The following CNTNAP2 variants were observed in gnomAD, a reference collection of about 807,000 sequenced individuals.
CNTNAP2 encodes the protein contactin associated protein 2.
A neutral mutation model predicts 155.2 loss-of-function variants in CNTNAP2; 98 were observed. The ratio of observed to expected loss-of-function variants is 0.63; its 90% CI spans 0.54 to 0.75. The LOEUF (loss-of-function observed/expected upper bound fraction) is 0.75, where lower values mean the gene tolerates loss of function less well. Ranked by LOEUF, CNTNAP2 falls within the 30% of genes least tolerant of loss-of-function variation. The pLI, the probability that CNTNAP2 is intolerant of heterozygous loss-of-function variation, is 0.00. For synonymous variants in CNTNAP2, 651 were observed against 631.2 expected (o/e 1.03, Z -0.47); for missense variants, 1,727 against 1,688.1 (o/e 1.02, Z -0.40).
chr7:146,815,952 C>T (rs7804013), intron 2 of CNTNAP2, among the ~76,000 whole-genome samples: 7,337 of 152,176 alleles, frequency 0.048, 521 homozygotes, highest in African/African-American at 0.16. Context: ...TGATGATCCC[C>T]GCCCTGTGTC....
intron 14 of CNTNAP2, among the ~76,000 whole-genome samples, chr7:147,972,612 A>G (rs1043981853): frequency 1.3e-5 from 2 of 152,204 alleles, no homozygotes; most frequent in African/African-American, 2.4e-5. Context: ...ATCAAGCTTT[A>G]CTTGAGTAAC....
chr7:147,932,345 A>G (rs1418378061), intron 14 of CNTNAP2, among the ~76,000 whole-genome samples: 1 of 152,184 alleles, frequency 6.6e-6, no homozygotes, highest in Non-Finnish European at 1.5e-5. Context: ...TTAAAACACT[A>G]AGGTACTGTC....
intron 15 of CNTNAP2, among the ~76,000 whole-genome samples, chr7:148,042,996 G>T (rs543077201): frequency 6.6e-6 from 1 of 152,290 alleles, no homozygotes; most frequent in African/African-American, 2.4e-5. Context: ...TGAGAATTAT[G>T]TGCAAATTTA....
intron 1 of CNTNAP2, among the ~76,000 whole-genome samples, chr7:146,264,772 G>C (rs1322582665): frequency 6.6e-6 from 1 of 152,212 alleles, no homozygotes; most frequent in African/African-American, 2.4e-5. Flanking sequence ...TTTAATGTGA[G>C]AGAGGCAGAT....
rs542451186 is a variant in CNTNAP2, at chr7:147,074,101, C to T, written c.550+30047C>T. On this transcript the variant is annotated intron_variant, in intron 4 of 23. Coordinates refer to ENST00000361727, the MANE Select transcript of CNTNAP2 (RefSeq NM_014141.6). ...TCCGTAGAATTTATTTCATTCTATT[C>T]ACCCTGGCTGAAGAACCATAGGTAA... is the stretch of plus-strand genomic sequence containing the variant. Among the ~76,000 whole-genome samples the T allele has an allele frequency of 1.1e-4, 16 of 152,266 alleles. No homozygotes were observed. The South Asian group carries it at 3.1e-3, about 30-fold the overall frequency.
intron 13 of CNTNAP2, among the ~76,000 whole-genome samples, chr7:147,805,896 A>T (rs1288248670): frequency 1.3e-5 from 2 of 152,234 alleles, no homozygotes; most frequent in Non-Finnish European, 2.9e-5. Context: ...CTATGAAACT[A>T]GTAAAAGAAA....
At chr7:147,788,900 C>CTTTTA (rs1797776343) in intron 13 of CNTNAP2, among the ~76,000 whole-genome samples, 3 of 100,748 alleles carry the variant, frequency 3.0e-5, no homozygotes, top group Non-Finnish European at 5.6e-5. Flanking sequence ...TTTTCTTTTT[C>CTTTTA]TTTTTTTTTT....
chr7:146,163,543 C>A (rs976556143), intron 1 of CNTNAP2, among the ~76,000 whole-genome samples: 11 of 142,788 alleles, frequency 7.7e-5, no homozygotes, highest in African/African-American at 2.9e-4. Flanking sequence ...ATATCTATAT[C>A]TATATATCTA....
rs1478905060 is a variant in CNTNAP2 at position 147,643,737 on chromosome 7, T to G, written c.2098+4431T>G. Among the ~76,000 whole-genome samples, 30 of 152,216 alleles carry G rather than the reference T, an allele frequency of 2.0e-4. 1 individual carries two copies. Among genetic ancestry groups the G allele is most frequent in the Non-Finnish European group, 2.9e-5 (2 of 68,024 alleles). On this transcript the variant is annotated intron_variant, in intron 13 of 23. Transcript: ENST00000361727. ...GTTTGTAATAGCTTTGCGCTTAAAA[T>G]GTTATTTTTTATTTTAAGAGCTTTA...
chr7:146,940,287 C>T (rs1172716680), intron 3 of CNTNAP2, among the ~76,000 whole-genome samples: 1 of 151,958 alleles, frequency 6.6e-6, no homozygotes, highest in Non-Finnish European at 1.5e-5. Context: ...CTCACTGCAA[C>T]CTCTGCCTCC....
At chr7:147,866,908 C>T (rs1799240091) in intron 13 of CNTNAP2, among the ~76,000 whole-genome samples, 1 of 152,092 alleles carries the variant, frequency 6.6e-6, no homozygotes, top group Non-Finnish European at 1.5e-5. Context: ...ATCCAATTTG[C>T]CAATATGTGT....
chr7:148,049,679 A>G (rs1359776795), intron 15 of CNTNAP2, among the ~76,000 whole-genome samples: 3 of 152,174 alleles, frequency 2.0e-5, no homozygotes, highest in Non-Finnish European at 4.4e-5. Context: ...CATTACTCCT[A>G]TGTTTGTGAT....
intron 1 of CNTNAP2, among the ~76,000 whole-genome samples, chr7:146,309,643 A>G (rs1800784051): frequency 6.6e-6 from 1 of 151,980 alleles, no homozygotes; most frequent in South Asian, 2.1e-4. Flanking sequence ...CTTTACTGAA[A>G]ATACAAAAAT....
chr7:148,197,361 T>C (rs951865380), intron 18 of CNTNAP2, among the ~76,000 whole-genome samples: 13 of 152,218 alleles, frequency 8.5e-5, no homozygotes, highest in Non-Finnish European at 1.5e-4. Context: ...ACCCTTGATA[T>C]ATTGTGTAAT....
intron 1 of CNTNAP2, among the ~76,000 whole-genome samples, chr7:146,435,976 T>A (rs1796237553): frequency 6.6e-6 from 1 of 152,198 alleles, no homozygotes; most frequent in Admixed American, 6.5e-5. Flanking sequence ...CCTAAACTTG[T>A]ATATTTACCA....
intron 13 of CNTNAP2, among the ~76,000 whole-genome samples, chr7:147,887,527 A>G (rs888288501): frequency 3.9e-5 from 6 of 152,342 alleles, no homozygotes; most frequent in African/African-American, 1.4e-4. Context: ...ATGATTGAGC[A>G]TGCAAGAAAT....
chr7:147,379,771 G>A (rs1796502341), intron 9 of CNTNAP2, among the ~76,000 whole-genome samples: 1 of 151,896 alleles, frequency 6.6e-6, no homozygotes, highest in African/African-American at 2.4e-5. Flanking sequence ...GGGGCGTGAG[G>A]GAGTTCCTAT....
chr7:147,037,985 G>A (rs1417565701), intron 3 of CNTNAP2, among the ~76,000 whole-genome samples: 1 of 152,056 alleles, frequency 6.6e-6, no homozygotes, highest in Non-Finnish European at 1.5e-5. Context: ...ATCTCAATAT[G>A]CTTGGATGAA....
chr7:148,331,101 G>A (rs1305179929), intron 21 of CNTNAP2, among the ~76,000 whole-genome samples: 1 of 150,474 alleles, frequency 6.6e-6, no homozygotes, highest in African/African-American at 2.5e-5. Flanking sequence ...CGGATGGAAT[G>A]GACAGATGGA....
Sources: gnomAD v4.1 joint callset for allele counts (sites outside exome capture counted in the v4.1 genomes callset) on GRCh38, gnomAD v4.1.1 for gene constraint, MANE v1.5 for transcripts, NCBI Gene and HGNC (gene_info 2026-07-23, HGNC 2026-07-21) for gene names.